N4BP2: variants seen among roughly 807,000 people sequenced by gnomAD.
N4BP2 encodes NEDD4-binding protein 2.
A neutral mutation model predicts 152.8 loss-of-function variants in N4BP2; 91 were observed. The observed-to-expected ratio is 0.60, with a 90% CI of 0.50 to 0.71. The LOEUF is 0.71. Among genes scored for constraint, N4BP2 ranks in the 30% least tolerant of loss-of-function variants. The pLI, the probability that N4BP2 is intolerant of heterozygous loss-of-function variation, is 0.00. For synonymous variants in N4BP2, 646 were observed against 705.3 expected, an observed-to-expected ratio of 0.92 and a Z score of 1.33; for missense variants, 1,923 against 2,059.1, an observed-to-expected ratio of 0.93 and a Z score of 1.28.
At chr4:40,088,123 A>G (rs75618012) in intron 2 of N4BP2, among the ~76,000 whole-genome samples, 87 of 152,284 alleles carry the variant, frequency 5.7e-4, no homozygotes, top group African/African-American at 2.0e-3. Context: ...CATCAGTAAT[A>G]TGTTTTTATT....
intron 5 of N4BP2, among the ~76,000 whole-genome samples, chr4:40,111,546 C>G (rs1043926646): frequency 6.6e-6 from 1 of 152,090 alleles, no homozygotes; most frequent in Admixed American, 6.5e-5. Flanking sequence ...GTCTCGAACT[C>G]CTGACCTCAT....
In N4BP2 at chr4:40,120,171, ACT is replaced by A; in HGVS notation, c.2063_2064del (p.Ser688Ter). The A allele has an allele frequency of 6.2e-7, 1 of 1,613,270 alleles. No individual in the cohort carries two copies. Among genetic ancestry groups the A allele is most frequent in the Non-Finnish European group, 8.5e-7 (1 of 1,179,828 alleles). On this transcript the variant is annotated frameshift_variant, in exon 9 of 18. Coordinates refer to ENST00000261435, the MANE Select transcript of N4BP2 (RefSeq NM_018177.6). LOFTEE classifies it high-confidence loss of function. ...GAAACTCCACACATGTATTTTTCTG[ACT>A]CTGAAAGCAAACTACAGGCAACAGA...
At chr4:40,137,702 G>A (rs956178509) in intron 14 of N4BP2, among the ~76,000 whole-genome samples, 1 of 152,198 alleles carries the variant, frequency 6.6e-6, no homozygotes, top group Non-Finnish European at 1.5e-5. Flanking sequence ...TTCACATGGG[G>A]AGCCAGCAGG....
intron 14 of N4BP2, chr4:40,142,094 G>A (rs1420131168): frequency 1.9e-5 from 3 of 159,488 alleles, no homozygotes; most frequent in Non-Finnish European, 4.0e-5. Flanking sequence ...GAGGGAGAGG[G>A]AGACCGTGGG....
intron 1 of N4BP2, among the ~76,000 whole-genome samples, chr4:40,065,377 A>G (rs1172469242): frequency 6.6e-6 from 1 of 152,236 alleles, no homozygotes; most frequent in Non-Finnish European, 1.5e-5. Flanking sequence ...GGAGAAAATT[A>G]TTGACTGGAG....
intron 2 of N4BP2, among the ~76,000 whole-genome samples, chr4:40,095,389 C>A (rs549666399): frequency 3.3e-5 from 5 of 152,330 alleles, no homozygotes; most frequent in African/African-American, 9.6e-5. Flanking sequence ...CCCGCTATAT[C>A]TTTTTGATGG....
chr4:40,117,437 A>C (rs910806425), intron 7 of N4BP2, among the ~76,000 whole-genome samples: 1 of 152,222 alleles, frequency 6.6e-6, no homozygotes, highest in African/African-American at 2.4e-5. Flanking sequence ...ATTAAGACCA[A>C]ACCTTTGAGG....
chr4:40,096,127 T>G (rs1715086176), intron 2 of N4BP2, among the ~76,000 whole-genome samples: 1 of 152,188 alleles, frequency 6.6e-6, no homozygotes, highest in South Asian at 2.1e-4. Flanking sequence ...GTAGACTGCC[T>G]GTAGTTCTAT....
chr4:40,131,642 G>A (rs1173702483), intron 12 of N4BP2, among the ~76,000 whole-genome samples, 159 bp from the exon 13 acceptor site: 6 of 152,148 alleles, frequency 3.9e-5, no homozygotes, highest in Admixed American at 2.6e-4. Flanking sequence ...AATAGTGCAA[G>A]AGTACTCGTA....
At chr4:40,082,791 C>T (rs1278585926) in intron 2 of N4BP2, among the ~76,000 whole-genome samples, 1 of 151,992 alleles carries the variant, frequency 6.6e-6, no homozygotes, top group Non-Finnish European at 1.5e-5. Context: ...AGCTCTGCCG[C>T]CCGGGTTCAC....
At chr4:40,060,658 A>G (rs1426188506) in intron 1 of N4BP2, among the ~76,000 whole-genome samples, 1 of 149,224 alleles carries the variant, frequency 6.7e-6, no homozygotes, top group East Asian at 2.0e-4. Context: ...GTTGGAGTGC[A>G]GTGGCATGAT....
the N4BP2 span, among the ~76,000 whole-genome samples, chr4:40,176,965 CT>C: frequency 6.6e-6 from 1 of 152,236 alleles, no homozygotes; most frequent in South Asian, 2.1e-4. Context: ...TTTTCTCATC[CT>C]TTAAACCGTC....
the N4BP2 span, among the ~76,000 whole-genome samples, chr4:40,181,774 C>T: frequency 2.0e-5 from 3 of 152,144 alleles, no homozygotes; most frequent in Non-Finnish European, 4.4e-5. Context: ...ATGGTGAAAC[C>T]CCGTCTCTAC....
chr4:40,169,834 A>G, the N4BP2 span, among the ~76,000 whole-genome samples: 1 of 151,614 alleles, frequency 6.6e-6, no homozygotes, highest in Non-Finnish European at 1.5e-5. Context: ...GCGTGGTGGC[A>G]GGCGTCTGTA....
intron 3 of N4BP2, among the ~76,000 whole-genome samples, chr4:40,100,366 GT>G (rs112965192): frequency 2.6e-4 from 36 of 136,842 alleles, no homozygotes; most frequent in East Asian, 6.2e-4. Flanking sequence ...TTCTTATTTT[GT>G]TTTTTTTTTT....
the N4BP2 span, among the ~76,000 whole-genome samples, chr4:40,176,810 C>T: frequency 2.0e-5 from 3 of 152,340 alleles, no homozygotes; most frequent in African/African-American, 7.2e-5. Flanking sequence ...ATGCTGTTTG[C>T]AGCAGGGAGG....
intron 1 of N4BP2, among the ~76,000 whole-genome samples, chr4:40,058,566 TCAG>T (rs1369199939): frequency 6.6e-6 from 1 of 152,156 alleles, no homozygotes; most frequent in Admixed American, 6.6e-5. Context: ...GCAGTTGAAA[TCAG>T]CACGCAGTAC....
intron 1 of N4BP2, among the ~76,000 whole-genome samples, chr4:40,062,934 G>T (rs532236982): frequency 6.6e-6 from 1 of 152,092 alleles, no homozygotes; most frequent in African/African-American, 2.4e-5. Flanking sequence ...TTGCTTATTT[G>T]TCATCTCACC....
chr4:40,080,461 CCT>C (rs1713246202), intron 2 of N4BP2, among the ~76,000 whole-genome samples: 1 of 151,390 alleles, frequency 6.6e-6, no homozygotes, highest in African/African-American at 2.4e-5. Flanking sequence ...AATTCCCCTG[CCT>C]CTGTCTGGGA....
Sources: allele counts gnomAD v4.1 joint callset (sites outside exome capture counted in the v4.1 genomes callset), GRCh38; gene constraint gnomAD v4.1.1; transcripts MANE v1.5; gene names NCBI Gene and HGNC (gene_info 2026-07-23, HGNC 2026-07-21).